EFCAB11: variants seen among roughly 807,000 people sequenced by gnomAD.
EFCAB11 encodes the protein EF-hand calcium-binding domain-containing protein 11.
A neutral mutation model predicts 23.0 loss-of-function variants in EFCAB11; 14 were observed. The ratio of observed to expected loss-of-function variants is 0.61; its 90% CI spans 0.40 to 0.95. The LOEUF is 0.95. EFCAB11 is among the 40% of genes least tolerant of loss of function. The pLI, the probability that EFCAB11 is intolerant of heterozygous loss-of-function variation, is 0.00. For synonymous variants in EFCAB11, 65 were observed against 66.6 expected (o/e 0.98, Z 0.11); for missense variants, 198 against 195.8 (o/e 1.01, Z -0.07).
chr14:89,835,638 GTGTGTT>G (rs1887053135), intron 5 of EFCAB11, among the ~76,000 whole-genome samples: 1 of 145,196 alleles, frequency 6.9e-6, no homozygotes. Context: ...GTGTGTGTGT[GTGTGTT>G]TGAGACGTTG....
intron 5 of EFCAB11, among the ~76,000 whole-genome samples, chr14:89,893,784 A>AC (rs1889063956): frequency 6.7e-6 from 1 of 148,530 alleles, no homozygotes; most frequent in East Asian, 2.0e-4. Context: ...CTCCAAAAAA[A>AC]AAAAACAAAC....
intron 3 of EFCAB11, among the ~76,000 whole-genome samples, chr14:89,940,713 T>C (rs1890760946): frequency 6.6e-6 from 1 of 152,234 alleles, no homozygotes; most frequent in South Asian, 2.1e-4. Context: ...GAAAAGATGC[T>C]CAATCTAATC....
chr14:89,860,289 A>G (rs1887881823), intron 5 of EFCAB11, among the ~76,000 whole-genome samples: 2 of 152,090 alleles, frequency 1.3e-5, no homozygotes, highest in South Asian at 4.1e-4. Context: ...GCTTGAACCC[A>G]GGAGGCGGAG....
At chr14:89,833,415 T>C (rs1886953481) in intron 5 of EFCAB11, among the ~76,000 whole-genome samples, 2 of 152,238 alleles carry the variant, frequency 1.3e-5, no homozygotes, top group South Asian at 4.1e-4. Flanking sequence ...ATATATTACA[T>C]AATATCCACT....
chr14:89,915,214 C>T (rs1889803532), intron 5 of EFCAB11, among the ~76,000 whole-genome samples: 1 of 152,132 alleles, frequency 6.6e-6, no homozygotes, highest in Admixed American at 6.6e-5. Flanking sequence ...CACAACTTTG[C>T]AATTTCCAAT....
At chr14:89,805,040 G>C (rs1476690504) in intron 5 of EFCAB11, among the ~76,000 whole-genome samples, 1 of 152,190 alleles carries the variant, frequency 6.6e-6, no homozygotes, top group East Asian at 1.9e-4. Flanking sequence ...GCAAGTGGTG[G>C]ACCTGGCTGT....
At chr14:89,846,268 C>T (rs564543853) in intron 5 of EFCAB11, among the ~76,000 whole-genome samples, 167 of 152,268 alleles carry the variant, frequency 1.1e-3, no homozygotes, top group African/African-American at 4.0e-3. Flanking sequence ...AGGACACTTC[C>T]CCTACCAGTC....
At chr14:89,868,128 T>C (rs1203330266) in intron 5 of EFCAB11, among the ~76,000 whole-genome samples, 2 of 152,216 alleles carry the variant, frequency 1.3e-5, no homozygotes, top group African/African-American at 2.4e-5. Context: ...CCTTTGTCTC[T>C]TGCACAGGGG....
intron 5 of EFCAB11, among the ~76,000 whole-genome samples, chr14:89,894,139 A>T (rs995558849): frequency 2.0e-4 from 31 of 151,988 alleles, no homozygotes; most frequent in Non-Finnish European, 8.8e-5. Context: ...TTTAGTAGAG[A>T]TGGGGTTTCA....
In EFCAB11 at chr14:89,806,978, T is replaced by A. The variant is rs145065378; in HGVS notation, c.411-9654A>T. Among the ~76,000 whole-genome samples the A allele has an allele frequency of 4.3e-3, 658 of 152,194 alleles. 4 individuals are homozygous for A. Among genetic ancestry groups the A allele is most frequent in the African/African-American group, 0.015 (628 of 41,524 alleles). ...ATTTATAAGGAAACATAAGCATATA[T>A]AAATATAAAGAAAAAAGATCCTACC... is the stretch of plus-strand genomic sequence containing the variant. On this transcript the variant is annotated intron_variant, in intron 5 of 5. Transcript: ENST00000316738.
chr14:89,874,898 A>C (rs1419894108), intron 5 of EFCAB11, among the ~76,000 whole-genome samples: 3 of 152,176 alleles, frequency 2.0e-5, no homozygotes, highest in Non-Finnish European at 2.9e-5. Flanking sequence ...TCAAAAAAAA[A>C]AAAAAGTACT....
At position 89,913,049 on chromosome 14, in the gene EFCAB11, G is replaced by A. The variant is rs550927426; in HGVS notation, c.410+18492C>T. 9.5e-4 allele frequency among the ~76,000 whole-genome samples: 144 copies of A among 152,282 alleles called. 1 individual carries two copies. The highest frequency in any genetic ancestry group is 1.6e-3 in the Admixed American group (25 of 15,300). ...ACTCAGAAATTACTAATACACCTGCGGCATATGATGCCATTCATCTAGCAA... is the reference window on the plus strand; with the variant it reads ...ACTCAGAAATTACTAATACACCTGCAGCATATGATGCCATTCATCTAGCAA... On this transcript the variant is annotated intron_variant, in intron 5 of 5. Coordinates refer to ENST00000316738, the MANE Select transcript of EFCAB11 (RefSeq NM_145231.4).
chr14:89,927,744 G>A (rs909487871), intron 5 of EFCAB11, among the ~76,000 whole-genome samples: 6 of 150,034 alleles, frequency 4.0e-5, no homozygotes, highest in Non-Finnish European at 8.9e-5. Context: ...TTTTTGAGAC[G>A]GAGTCTCGCT....
chr14:89,951,239 T>C (rs1185563237), intron 2 of EFCAB11, among the ~76,000 whole-genome samples: 1 of 152,152 alleles, frequency 6.6e-6, no homozygotes, highest in Non-Finnish European at 1.5e-5. Context: ...ACTCTTAAAT[T>C]TTCTCTTAAT....
chr14:89,907,500 T>C (rs1160896824), intron 5 of EFCAB11, among the ~76,000 whole-genome samples: 1 of 152,170 alleles, frequency 6.6e-6, no homozygotes, highest in East Asian at 1.9e-4. Context: ...AGCTAATGTG[T>C]TTTCATATAT....
chr14:89,846,733 C>A (rs1887443534), intron 5 of EFCAB11, among the ~76,000 whole-genome samples: 1 of 152,188 alleles, frequency 6.6e-6, no homozygotes, highest in Non-Finnish European at 1.5e-5. Context: ...CTATGAATGG[C>A]CTCCTGATCT....
At chr14:89,900,466 T>A (rs1889306429) in intron 5 of EFCAB11, among the ~76,000 whole-genome samples, 1 of 152,160 alleles carries the variant, frequency 6.6e-6, no homozygotes, top group South Asian at 2.1e-4. Flanking sequence ...ATATGCATCA[T>A]ACACACTTAC....
intron 5 of EFCAB11, among the ~76,000 whole-genome samples, chr14:89,888,325 A>G (rs1888857188): frequency 6.6e-6 from 1 of 152,246 alleles, no homozygotes; most frequent in Non-Finnish European, 1.5e-5. Context: ...TTGCATTGCT[A>G]TAAAGAAATA....
intron 5 of EFCAB11, chr14:89,924,444 G>A (rs1299449874): frequency 1.3e-5 from 18 of 1,357,318 alleles, no homozygotes; most frequent in Non-Finnish European, 1.7e-5. Context: ...TGACTGGGAA[G>A]CAAAAGCAGC....
Sources: allele counts gnomAD v4.1 joint callset (sites outside exome capture counted in the v4.1 genomes callset), GRCh38; gene constraint gnomAD v4.1.1; transcripts MANE v1.5; gene names NCBI Gene and HGNC (gene_info 2026-07-23, HGNC 2026-07-21).